PROX2: variants seen among roughly 807,000 people sequenced by gnomAD.
PROX2 encodes prospero homeobox protein 2.
PROX2 carries 46 observed loss-of-function variants against 48.9 expected under a neutral mutation model. The observed-to-expected ratio is 0.94, with a 90% confidence interval of 0.74 to 1.20. The LOEUF (loss-of-function observed/expected upper bound fraction) is 1.20, where lower values mean the gene tolerates loss of function less well. PROX2 is among the 50% of genes most tolerant of loss of function. The pLI is 0.00. For missense variants in PROX2, 663 were observed against 719.4 expected (o/e 0.92, Z 0.90); for synonymous variants, 260 against 276.6 (o/e 0.94, Z 0.60).
Position 74,863,563 on chromosome 14 carries a change from A to G in PROX2, c.272T>C (p.Val91Ala). 1.2e-6 allele frequency: 2 copies of G among 1,613,176 alleles called. No homozygotes were observed. The highest frequency in any genetic ancestry group is 1.7e-6 in the Non-Finnish European group (2 of 1,179,584). Residue 91 changes from valine to alanine, a missense_variant, in exon 3 of 6, where the codon GTC becomes GCC. Transcript: ENST00000556489. ...PLVPGNAQAG[V>A]SPRCPKKARE... ...GGCCTTCTTTGGGCAGCGTGGGCTGACCCCAGCTTGCGCATTGCCTGGCAC... is the reference window on the plus strand; with the variant it reads ...GGCCTTCTTTGGGCAGCGTGGGCTGGCCCCAGCTTGCGCATTGCCTGGCAC...
At position 74,862,529 on chromosome 14, in the gene PROX2, T is replaced by A. The variant is rs767225030; in HGVS notation, c.1305+1A>T. 1 of 1,610,884 alleles carries A rather than the reference T, an allele frequency of 6.2e-7. No homozygotes were observed. The highest frequency in any genetic ancestry group is 1.3e-5 in the African/African-American group (1 of 74,870). On this transcript the variant is annotated splice_donor_variant, in intron 3 of 5. Transcript: ENST00000556489. LOFTEE classifies it high-confidence loss of function. ...GAACTTCAATTGCTATTAAAGGATA[T>A]GTGGACCAAAGAGAAAGGCAGTGCC...
chr14:74,874,857 A>G (rs1043771318), intron 1 of PROX2, among the ~76,000 whole-genome samples: 6 of 152,120 alleles, frequency 3.9e-5, no homozygotes, highest in African/African-American at 1.4e-4. Flanking sequence ...TTTCTTAAAG[A>G]ATCTTAGCTG....
At chr14:74,861,958 T>C (rs879861429) in intron 3 of PROX2, among the ~76,000 whole-genome samples, 3 of 152,194 alleles carry the variant, frequency 2.0e-5, no homozygotes, top group Non-Finnish European at 4.4e-5. Context: ...AGGGTATTCA[T>C]TGTATTTCAG....
chr14:74,863,990 G>T lies in PROX2; in HGVS notation c.-156C>A. 1 of 904,816 alleles carries T rather than the reference G, an allele frequency of 1.1e-6. No individual in the cohort carries two copies. The highest frequency in any genetic ancestry group is 1.5e-6 in the Non-Finnish European group (1 of 673,758). The allele number at this position is 904,816 out of a possible 1,614,324, so 56.0% of individuals were successfully genotyped here. Reference sequence around the variant, plus strand: ...CAGATTCTGGGATGCCAGGGCTCATGAACCTCCTGGGCAGACTCCTGAAAT... The same window carrying T: ...CAGATTCTGGGATGCCAGGGCTCATTAACCTCCTGGGCAGACTCCTGAAAT... On this transcript the variant is annotated 5_prime_UTR_variant, in exon 3 of 6. Transcript: ENST00000556489.
chr14:74,853,134 G>C lies in PROX2; in HGVS notation c.*1998C>G, dbSNP rs1398562974. ...ACACAAATGTTTTCAATTTGAGCTT[G>C]TACATTTCATCTCATTGGTCCCTGA... On this transcript the variant is annotated 3_prime_UTR_variant, in exon 6 of 6. Transcript: ENST00000556489. 1 of 152,216 alleles carries C rather than the reference G, an allele frequency of 6.6e-6. No homozygotes were observed. Among genetic ancestry groups the C allele is most frequent in the Non-Finnish European group, 1.5e-5 (1 of 68,038 alleles). 9.4% of individuals were successfully genotyped at this position (152,216 alleles called of 1,614,324 possible).
intron 1 of PROX2, among the ~76,000 whole-genome samples, chr14:74,875,157 A>T (rs973871155): frequency 1.2e-4 from 19 of 152,354 alleles, no homozygotes; most frequent in African/African-American, 3.4e-4. Context: ...AAAAAAATAA[A>T]AAATAAATAA....
chr14:74,858,171 TG>T (rs2091761542), intron 4 of PROX2: 1 of 393,918 alleles, frequency 2.5e-6, no homozygotes, highest in African/African-American at 2.0e-5. Context: ...GTTTCTGTTT[TG>T]GGGATTATCT....
intron 2 of PROX2, among the ~76,000 whole-genome samples, chr14:74,864,783 C>T (rs1420851098): frequency 6.6e-6 from 1 of 150,406 alleles, no homozygotes; most frequent in African/African-American, 2.5e-5. Context: ...TGGAGGTTGC[C>T]ATGAGCCAAG....
intron 1 of PROX2, chr14:74,873,935 A>G: frequency 2.1e-6 from 1 of 475,812 alleles, no homozygotes; most frequent in East Asian, 6.3e-5. Flanking sequence ...ACAGAGATGA[A>G]GATGTATTGG....
At position 74,855,430 on chromosome 14, in the gene PROX2, C is replaced by T. The variant is rs531379465; in HGVS notation, c.1609-128G>A. The T allele has an allele frequency of 6.5e-6, 4 of 619,614 alleles. No homozygotes were observed. The African/African-American group carries it at 7.4e-5, about 11-fold the overall frequency. The allele number at this position is 619,614 out of a possible 1,614,324, so 38.4% of individuals were successfully genotyped here. On this transcript the variant is annotated intron_variant, in intron 5 of 5. Coordinates refer to ENST00000556489, the MANE Select transcript of PROX2 (RefSeq NM_001243007.2). ...GCTAGGAGCATCCCTGCTCTAGTGGCCCCTGATTCTGCAACCCTAGGACTC... is the reference window on the plus strand; with the variant it reads ...GCTAGGAGCATCCCTGCTCTAGTGGTCCCTGATTCTGCAACCCTAGGACTC...
chr14:74,853,113 A>T lies in PROX2; in HGVS notation c.*2019T>A, dbSNP rs2091716883. 2 of 152,228 alleles carry T rather than the reference A, an allele frequency of 1.3e-5. No individual in the cohort carries two copies. The highest frequency in any genetic ancestry group is 6.5e-5 in the Admixed American group (1 of 15,278). The allele number at this position is 152,228 out of a possible 1,614,324, so 9.4% of individuals were successfully genotyped here. A position where few individuals can be genotyped will look rare whatever the true frequency, so the allele number is the denominator to read the frequency against. ...ACTTCCTGGAAAGACTGCAGTACAC[A>T]AATGTTTTCAATTTGAGCTTGTACA... On this transcript the variant is annotated 3_prime_UTR_variant, in exon 6 of 6. Coordinates refer to ENST00000556489, the MANE Select transcript of PROX2 (RefSeq NM_001243007.2).
At chr14:74,866,188 G>A (rs1306511404) in intron 2 of PROX2, among the ~76,000 whole-genome samples, 3 of 152,056 alleles carry the variant, frequency 2.0e-5, no homozygotes, top group Non-Finnish European at 2.9e-5. Context: ...AATCCAGGAG[G>A]TGGAGGTTGC....
intron 1 of PROX2, chr14:74,873,907 G>C (rs918323183): frequency 6.5e-6 from 3 of 463,298 alleles, no homozygotes; most frequent in Non-Finnish European, 1.3e-5. Context: ...TGAGGAGCAG[G>C]GTTCTGTGTT....
intron 3 of PROX2, among the ~76,000 whole-genome samples, chr14:74,860,397 T>G (rs1026631330): frequency 7.9e-5 from 12 of 151,754 alleles, no homozygotes; most frequent in African/African-American, 2.7e-4. Context: ...GCATCATTCT[T>G]AGGGGGGGAA....
intron 2 of PROX2, among the ~76,000 whole-genome samples, chr14:74,870,814 T>C (rs1883194717): frequency 6.6e-6 from 1 of 151,156 alleles, no homozygotes; most frequent in Admixed American, 6.6e-5. Flanking sequence ...CCAAGGGGAG[T>C]GGATTGCCTG....
rs1438040185 is a variant in PROX2 at position 74,855,462 on chromosome 14, T to C, written c.1609-160A>G. On this transcript the variant is annotated intron_variant, in intron 5 of 5. Coordinates refer to ENST00000556489, the MANE Select transcript of PROX2 (RefSeq NM_001243007.2). ...TTCTGCAACCCTAGGACTCCTCTGC[T>C]TCCTCATCAGACACAAACCTTGATA... The C allele has an allele frequency of 9.1e-6, 4 of 440,288 alleles. No individual in the cohort carries two copies. In the East Asian group the frequency reaches 1.0e-4, roughly 11 times the overall value. 27.3% of individuals were successfully genotyped at this position (440,288 alleles called of 1,614,324 possible). A position where few individuals can be genotyped will look rare whatever the true frequency, so the allele number is the denominator to read the frequency against.
intron 3 of PROX2, chr14:74,859,257 G>A (rs989880171): frequency 6.6e-6 from 1 of 152,202 alleles, no homozygotes; most frequent in African/African-American, 2.4e-5. Context: ...CTTACCCTGG[G>A]CTATGAAGAC....
chr14:74,875,358 A>ACCAGGAGCC (rs1199645074), intron 1 of PROX2, among the ~76,000 whole-genome samples: 1 of 152,172 alleles, frequency 6.6e-6, no homozygotes, highest in Non-Finnish European at 1.5e-5. Flanking sequence ...TGGATGAGGA[A>ACCAGGAGCC]CCAGGAGCCC....
chr14:74,862,452 C>T (rs1235594772), intron 3 of PROX2, 78 bp downstream of exon 3: 1 of 1,520,332 alleles, frequency 6.6e-7, no homozygotes, highest in Non-Finnish European at 8.8e-7. Context: ...CCTTGGCCTC[C>T]CAAAGCACTG....
Sources: allele counts gnomAD v4.1 joint callset (sites outside exome capture counted in the v4.1 genomes callset), GRCh38; gene constraint gnomAD v4.1.1; transcripts MANE v1.5; gene names NCBI Gene and HGNC (gene_info 2026-07-23, HGNC 2026-07-21).